SLC24A4: variants seen among roughly 807,000 people sequenced by gnomAD.
SLC24A4 encodes sodium/potassium/calcium exchanger 4.
SLC24A4 carries 53 observed loss-of-function variants against 79.0 expected under a neutral mutation model. The ratio of observed to expected loss-of-function variants is 0.67; its 90% CI spans 0.54 to 0.84. The LOEUF is 0.84. Among genes scored for constraint, SLC24A4 ranks in the 40% least tolerant of loss-of-function variants. The pLI, the probability that SLC24A4 is intolerant of heterozygous loss-of-function variation, is 0.00. For synonymous variants in SLC24A4, 323 were observed against 323.8 expected (o/e 1.00, Z 0.03); for missense variants, 731 against 822.0 (o/e 0.89, Z 1.35).
At chr14:92,418,328 A>C (rs1891092458) in intron 2 of SLC24A4, among the ~76,000 whole-genome samples, 1 of 152,166 alleles carries the variant, frequency 6.6e-6, no homozygotes, top group Admixed American at 6.5e-5. Context: ...TCCTGCTGCC[A>C]GGCTGGCCTC....
At chr14:92,485,299 A>G (rs1263606742) in intron 13 of SLC24A4, among the ~76,000 whole-genome samples, 1 of 152,116 alleles carries the variant, frequency 6.6e-6, no homozygotes, top group Non-Finnish European at 1.5e-5. Flanking sequence ...CCCTGTGTCT[A>G]CAAAAAATTA....
chr14:92,331,789 A>G (rs1885493885), intron 2 of SLC24A4, among the ~76,000 whole-genome samples: 1 of 152,188 alleles, frequency 6.6e-6, no homozygotes, highest in Admixed American at 6.5e-5. Flanking sequence ...CCACTCCTGA[A>G]ACAGAAAGAC....
chr14:92,448,963 C>A, intron 9 of SLC24A4, 111 bp from the exon 10 acceptor site: 1 of 1,317,714 alleles, frequency 7.6e-7, no homozygotes, highest in Non-Finnish European at 1.1e-6. Flanking sequence ...CTGCCACCCA[C>A]CACTCCTGGG....
At chr14:92,408,402 C>A (rs1277987671) in intron 2 of SLC24A4, 6 of 985,312 alleles carry the variant, frequency 6.1e-6, no homozygotes, top group South Asian at 4.7e-5. Context: ...GTGTTGGCAA[C>A]TGCAGCTAAA....
intron 14 of SLC24A4, among the ~76,000 whole-genome samples, chr14:92,489,243 G>A (rs1299846596): frequency 6.6e-6 from 1 of 152,012 alleles, no homozygotes; most frequent in Non-Finnish European, 1.5e-5. Context: ...TTTGAGACCA[G>A]CCTGGCCAAC....
intron 11 of SLC24A4, among the ~76,000 whole-genome samples, chr14:92,455,565 A>G (rs9323874): frequency 0.028 from 4,312 of 152,266 alleles, 187 homozygotes; most frequent in African/African-American, 0.099. Flanking sequence ...AAACTAATCA[A>G]TGTTTACAAA....
chr14:92,457,887 C>T (rs1893572433), intron 12 of SLC24A4, among the ~76,000 whole-genome samples: 1 of 152,232 alleles, frequency 6.6e-6, no homozygotes, highest in Non-Finnish European at 1.5e-5. Flanking sequence ...CAGAGGCTGT[C>T]CTGCCTCTTG....
intron 2 of SLC24A4, among the ~76,000 whole-genome samples, chr14:92,396,246 A>G (rs545487138): frequency 6.6e-6 from 1 of 152,286 alleles, no homozygotes; most frequent in Non-Finnish European, 1.5e-5. Context: ...AGCGAGCCAT[A>G]TTTGCATATT....
At chr14:92,337,875 C>T (rs1465292662) in intron 2 of SLC24A4, among the ~76,000 whole-genome samples, 7 of 152,096 alleles carry the variant, frequency 4.6e-5, no homozygotes, top group Non-Finnish European at 7.4e-5. Context: ...CTGCAATTAC[C>T]TCTTAAAGAG....
intron 3 of SLC24A4, among the ~76,000 whole-genome samples, chr14:92,434,423 G>T (rs1405476745): frequency 6.6e-6 from 1 of 152,124 alleles, no homozygotes; most frequent in East Asian, 1.9e-4. Context: ...AGTTAGGATG[G>T]TTCCACTTAC....
intron 2 of SLC24A4, among the ~76,000 whole-genome samples, chr14:92,413,590 A>G (rs74665424): frequency 0.014 from 2,176 of 152,294 alleles, 65 homozygotes; most frequent in African/African-American, 0.048. Flanking sequence ...GTAGGTTGCA[A>G]ACGTTGCCTG....
intron 2 of SLC24A4, among the ~76,000 whole-genome samples, chr14:92,372,917 C>CTTTCTT (rs1555363110): frequency 1.7e-4 from 19 of 108,974 alleles, no homozygotes; most frequent in Admixed American, 4.5e-4. Flanking sequence ...TCCTTCCTTC[C>CTTTCTT]TTTCTTTCTC....
In SLC24A4 at chr14:92,353,617, T is replaced by G. The variant is rs1359373389; in HGVS notation, c.241+27639T>G. ...GAGGGTGAATCATGGTATCTCAGTTTGTTTCAGTCATGAGTGAGGTTGAGC... is the reference window on the plus strand; with the variant it reads ...GAGGGTGAATCATGGTATCTCAGTTGGTTTCAGTCATGAGTGAGGTTGAGC... On this transcript the variant is annotated intron_variant, in intron 2 of 16. Transcript: ENST00000532405. This position sits in a 1 kb window ranked among gnomAD's most constrained non-coding sequence, Gnocchi z 4.1. Among the ~76,000 whole-genome samples, 1 of 152,250 alleles carries G rather than the reference T, an allele frequency of 6.6e-6. No homozygotes were observed. The highest frequency in any genetic ancestry group is 1.9e-4 in the East Asian group (1 of 5,196).
At chr14:92,373,458 G>C (rs1888321226) in intron 2 of SLC24A4, among the ~76,000 whole-genome samples, 1 of 152,232 alleles carries the variant, frequency 6.6e-6, no homozygotes, top group Admixed American at 6.5e-5. Context: ...GGTCCAGCCA[G>C]TGTCTGACCC....
intron 2 of SLC24A4, among the ~76,000 whole-genome samples, chr14:92,408,027 G>T (rs536371200): frequency 1.1e-4 from 16 of 152,196 alleles, no homozygotes; most frequent in Admixed American, 3.3e-4. Context: ...ACAGCAGTGT[G>T]TGTGTGAGTG....
intron 2 of SLC24A4, among the ~76,000 whole-genome samples, chr14:92,413,773 G>A (rs769070468): frequency 6.6e-6 from 1 of 152,198 alleles, no homozygotes; most frequent in Non-Finnish European, 1.5e-5. Flanking sequence ...ACCACAGCTG[G>A]TGGAAGACAA....
chr14:92,483,025 A>G (rs906901340), intron 13 of SLC24A4, among the ~76,000 whole-genome samples, 179 bp downstream of exon 13: 7 of 152,000 alleles, frequency 4.6e-5, no homozygotes, highest in Non-Finnish European at 7.4e-5. Flanking sequence ...TGTGTCAGGT[A>G]CCCGGAATGC....
At chr14:92,456,639 T>C (rs1212740341) in intron 12 of SLC24A4, 31 bp downstream of exon 12, 2 of 1,604,250 alleles carry the variant, frequency 1.2e-6, no homozygotes, top group Non-Finnish European at 1.7e-6. Flanking sequence ...ACTCTCGGGC[T>C]ACATTTTTGG....
intron 2 of SLC24A4, among the ~76,000 whole-genome samples, chr14:92,336,479 C>T (rs536474068): frequency 1.3e-5 from 2 of 152,298 alleles, no homozygotes; most frequent in Non-Finnish European, 2.9e-5. Flanking sequence ...GAGGTGGGAA[C>T]GCATGGCCGC....
Sources: allele counts gnomAD v4.1 joint callset (sites outside exome capture counted in the v4.1 genomes callset), GRCh38; gene constraint gnomAD v4.1.1; non-coding constraint Gnocchi (gnomAD v3.1); transcripts MANE v1.5; gene names NCBI Gene and HGNC (gene_info 2026-07-23, HGNC 2026-07-21).